TAF7L: variants seen among roughly 807,000 people sequenced by gnomAD.
The protein encoded by TAF7L is transcription initiation factor TFIID subunit 7-like.
In TAF7L, 6 loss-of-function variants were observed where a neutral mutation model predicts 30.2. That is an observed-to-expected ratio of 0.20 (90% CI 0.11 to 0.39). The LOEUF (loss-of-function observed/expected upper bound fraction) is 0.39. TAF7L is among the 10% of genes least tolerant of loss of function. The pLI is 1.00. For synonymous variants in TAF7L, 93 were observed against 94.5 expected (o/e 0.98, Z 0.09); for missense variants, 284 against 277.1 (o/e 1.03, Z -0.18).
At chrX:101,286,305 G>A (rs1924597968) in intron 3 of TAF7L, among the ~76,000 whole-genome samples, 1 of 111,293 alleles carries the variant, frequency 9.0e-6, no homozygotes, top group African/African-American at 3.3e-5. Flanking sequence ...GTTTATATAT[G>A]GGAGGCTACC....
intron 1 of TAF7L, among the ~76,000 whole-genome samples, chrX:101,290,192 T>A (rs993566253): frequency 1.8e-5 from 2 of 110,372 alleles, no homozygotes; most frequent in Non-Finnish European, 3.8e-5. Flanking sequence ...GTGAGACTCC[T>A]TCTCAAAAAC....
In TAF7L at chrX:101,276,318, G is replaced by A; in HGVS notation, c.902C>T (p.Thr301Ile). The A allele has an allele frequency of 8.3e-7, 1 of 1,210,887 alleles. No individual in the cohort carries two copies. Among genetic ancestry groups the A allele is most frequent in the South Asian group, 1.8e-5 (1 of 56,927 alleles). ...TTTTTCTGACTTACCTATTGAACTG[G>A]TACCTTCATTTGCCCTATACTGGCC... Reference protein sequence around the residue: ...ESGQYRANEGTSSIVMEIQKQ... With the variant: ...ESGQYRANEGISSIVMEIQKQ... Residue 301 changes from threonine to isoleucine, a missense_variant, in exon 10 of 13, where the codon ACC becomes ATC. By Grantham distance (89) the Thr-to-Ile change is moderately conservative. Coordinates refer to ENST00000356784, the MANE Select transcript of TAF7L (RefSeq NM_001168474.2).
In TAF7L at chrX:101,278,898, G is replaced by T. The variant is rs768498072; in HGVS notation, c.504+96C>A. On this transcript the variant is annotated intron_variant, in intron 7 of 12. Transcript: ENST00000356784. ...TAGAGGTGAGAAGGAAGGCTCAAAA[G>T]TAGCTTCTGTGGTTTATTTGATTCA... 1.4e-5 allele frequency: 11 copies of T among 803,442 alleles called. No individual in the cohort carries two copies. In the South Asian group the frequency reaches 2.0e-4, roughly 14 times the overall value. 66.2% of individuals were successfully genotyped at this position (803,442 alleles called of 1,213,427 possible). A position where few individuals can be genotyped will look rare whatever the true frequency, so the allele number is the denominator to read the frequency against.
chrX:101,278,008 G>A lies in TAF7L; in HGVS notation c.577+41C>T. 2.6e-6 allele frequency: 3 copies of A among 1,139,997 alleles called. No individual in the cohort carries two copies. The South Asian group carries it at 5.4e-5, about 21-fold the overall frequency. The allele number at this position is 1,139,997 out of a possible 1,213,427, so 93.9% of individuals were successfully genotyped here. A position where few individuals can be genotyped will look rare whatever the true frequency, so the allele number is the denominator to read the frequency against. ...AGGCTTCGTCAGCATGTACAAATGGGGCAGAACAGACTATGCAGAAAATAT... is the reference window on the plus strand; with the variant it reads ...AGGCTTCGTCAGCATGTACAAATGGAGCAGAACAGACTATGCAGAAAATAT... On this transcript the variant is annotated intron_variant, in intron 8 of 12. Transcript: ENST00000356784.
rs1475627060 is a variant in TAF7L, at chrX:101,269,122, G to A, written c.*71C>T. Reference sequence around the variant, plus strand: ...ATAAGGCAACTGAAGGGACAAAAACGTGCACAGTTTCATCCAATCTGCAGT... The same window carrying A: ...ATAAGGCAACTGAAGGGACAAAAACATGCACAGTTTCATCCAATCTGCAGT... On this transcript the variant is annotated 3_prime_UTR_variant, in exon 13 of 13. Transcript: ENST00000356784. 19 of 987,466 alleles carry A rather than the reference G, an allele frequency of 1.9e-5. No individual in the cohort carries two copies. Among genetic ancestry groups the A allele is most frequent in the Non-Finnish European group, 2.4e-5 (17 of 701,853 alleles). The allele number at this position is 987,466 out of a possible 1,213,427, so 81.4% of individuals were successfully genotyped here.
At chrX:101,292,743 C>T (rs772883241), upstream of TAF7L, 26 of 1,179,678 alleles carry the variant, frequency 2.2e-5, no homozygotes, top group Non-Finnish European at 2.8e-5. Context: ...TTTGTTTCTC[C>T]GAAAGAAGGT....
rs2080073788 is a variant in TAF7L at position 101,275,246 on chromosome X, T to C, written c.1062A>G (p.Leu354=). The change falls in exon 12 of 13, where the codon TTA becomes TTG. Residue 354 remains leucine, a synonymous_variant. Coordinates refer to ENST00000356784, the MANE Select transcript of TAF7L (RefSeq NM_001168474.2). ...CCTTCTCATTTTTTTGTTTTTCCTG[T>C]AACTCAAGCTGCTCCAGCACAGACT... ...HFQSVLEQLE[L]QEKQKNEKLI... is the part of the protein sequence containing the mutation. 1 of 1,190,515 alleles carries C rather than the reference T, an allele frequency of 8.4e-7. No individual in the cohort carries two copies. Among genetic ancestry groups the C allele is most frequent in the Non-Finnish European group, 1.1e-6 (1 of 884,448 alleles).
At chrX:101,270,150 A>G (rs746289100) in intron 12 of TAF7L, among the ~76,000 whole-genome samples, 9 of 111,562 alleles carry the variant, frequency 8.1e-5, no homozygotes, top group Non-Finnish European at 1.7e-4. Flanking sequence ...TATAGGATTT[A>G]CTTTTTTTTA....
chrX:101,277,173 AAAAG>A (rs1924222447), intron 9 of TAF7L, among the ~76,000 whole-genome samples: 1 of 94,071 alleles, frequency 1.1e-5, no homozygotes, highest in Non-Finnish European at 2.1e-5. Context: ...AAAAAAAAAA[AAAAG>A]GCCAGGCACA....
At chrX:101,276,176 A>G in intron 10 of TAF7L, 64 bp from the exon 11 acceptor site, 1 of 1,163,773 alleles carries the variant, frequency 8.6e-7, no homozygotes, top group Non-Finnish European at 1.2e-6. Flanking sequence ...CAAGATCCAA[A>G]TCAAGTAAAA....
In TAF7L at chrX:101,269,113, G is replaced by T; in HGVS notation, c.*80C>A. Reference sequence around the variant, plus strand: ...TGATTCAACATAAGGCAACTGAAGGGACAAAAACGTGCACAGTTTCATCCA... The same window carrying T: ...TGATTCAACATAAGGCAACTGAAGGTACAAAAACGTGCACAGTTTCATCCA... On this transcript the variant is annotated 3_prime_UTR_variant, in exon 13 of 13. Coordinates refer to ENST00000356784, the MANE Select transcript of TAF7L (RefSeq NM_001168474.2). The T allele has an allele frequency of 1.1e-6, 1 of 928,608 alleles. No homozygotes were observed. The highest frequency in any genetic ancestry group is 2.2e-5 in the South Asian group (1 of 45,638). 76.5% of individuals were successfully genotyped at this position (928,608 alleles called of 1,213,427 possible).
intron 3 of TAF7L, 117 bp downstream of exon 3, chrX:101,286,458 T>C (rs1924604844): frequency 2.0e-5 from 10 of 493,880 alleles, no homozygotes. Context: ...GTCCATCAAG[T>C]CAGAGACCAT....
intron 12 of TAF7L, among the ~76,000 whole-genome samples, chrX:101,269,600 A>G (rs1923902842): frequency 8.9e-6 from 1 of 111,818 alleles, no homozygotes; most frequent in Non-Finnish European, 1.9e-5. Flanking sequence ...AGCAAGTCAT[A>G]TCTTACATGG....
rs1438676640 is a variant in TAF7L at position 101,275,238 on chromosome X, T to G, written c.1070A>C (p.Lys357Thr). ...SVLEQLELQE[K>T]QKNEKLISLQ... ...ACTTCTTACCTTCTCATTTTTTTGT[T>G]TTTCCTGTAACTCAAGCTGCTCCAG... is the stretch of plus-strand genomic sequence containing the variant. Residue 357 changes from lysine (K) to threonine (T), a missense_variant, in exon 12 of 13, where the codon AAA becomes ACA. By Grantham distance (78) the Lys-to-Thr change is moderately conservative. Transcript: ENST00000356784. 1.7e-6 allele frequency: 2 copies of G among 1,192,398 alleles called. No homozygotes were observed. Among genetic ancestry groups the G allele is most frequent in the South Asian group, 3.7e-5 (2 of 54,069 alleles).
At position 101,276,446 on chromosome X, in the gene TAF7L, ATCC is replaced by A; in HGVS notation, c.771_773del (p.Glu257del). 4.1e-6 allele frequency: 5 copies of A among 1,205,622 alleles called. 1 individual carries two copies. Among genetic ancestry groups the A allele is most frequent in the South Asian group, 1.8e-5 (1 of 56,776 alleles). On this transcript the variant is annotated inframe_deletion, in exon 10 of 13. Transcript: ENST00000356784. ...CATCTTCATCCTCATCCTCATCCTC[ATCC>A]TCATCTTCATCATCCTCATCCTCAT...
At chrX:101,277,525 C>T in intron 9 of TAF7L, 81 bp downstream of exon 9, 3 of 427,390 alleles carry the variant, frequency 7.0e-6, no homozygotes, top group Non-Finnish European at 1.1e-5. Context: ...TTGGATTGGC[C>T]TATGAATTTA....
At chrX:101,281,557 A>G (rs952764860) in intron 6 of TAF7L, among the ~76,000 whole-genome samples, 163 bp downstream of exon 6, 3 of 111,993 alleles carry the variant, frequency 2.7e-5, no homozygotes, top group Non-Finnish European at 3.8e-5. Context: ...TATATTCCCT[A>G]CTGCTAGCAT....
rs763678147 is a variant in TAF7L at position 101,286,329 on chromosome X, C to T, written c.145+246G>A. The stretch of plus-strand genomic sequence containing the variant: ...TGGGAGGCTACCAGCAGTATAAAAA[C>T]CCCACAGTTGACCCCCAAGTTTCCT... On this transcript the variant is annotated intron_variant, in intron 3 of 12. Transcript: ENST00000356784. 2.7e-5 allele frequency among the ~76,000 whole-genome samples: 3 copies of T among 111,311 alleles called. 1 individual carries two copies. The highest frequency in any genetic ancestry group is 9.8e-5 in the African/African-American group (3 of 30,671).
intron 3 of TAF7L, among the ~76,000 whole-genome samples, chrX:101,284,863 T>C (rs190466546): frequency 3.6e-5 from 4 of 110,893 alleles, no homozygotes; most frequent in Non-Finnish European, 7.5e-5. Context: ...TGTGGAAACA[T>C]TTATTTATTT....
Sources: gnomAD v4.1 joint callset for allele counts (sites outside exome capture counted in the v4.1 genomes callset) on GRCh38, gnomAD v4.1.1 for gene constraint, MANE v1.5 for transcripts, NCBI Gene and HGNC (gene_info 2026-07-23, HGNC 2026-07-21) for gene names.